The following KCNH5 variants were observed in gnomAD, a reference collection of about 807,000 sequenced individuals.
KCNH5 encodes the protein potassium voltage-gated channel subfamily H member 5.
A neutral mutation model predicts 96.1 loss-of-function variants in KCNH5; 46 were observed. That is an observed-to-expected ratio of 0.48 (90% CI 0.38 to 0.61). The LOEUF (loss-of-function observed/expected upper bound fraction) is 0.61, where lower values mean the gene tolerates loss of function less well. Among genes scored for constraint, KCNH5 ranks in the 20% least tolerant of loss-of-function variants. KCNH5 has a pLI of 0.00. For missense variants in KCNH5, 907 were observed against 1,225.8 expected, an observed-to-expected ratio of 0.74 and a Z score of 3.88; for synonymous variants, 439 against 449.8, an observed-to-expected ratio of 0.98 and a Z score of 0.30.
intron 7 of KCNH5, among the ~76,000 whole-genome samples, chr14:62,887,819 T>C (rs1033487444): frequency 5.3e-5 from 8 of 152,148 alleles, no homozygotes; most frequent in Admixed American, 1.3e-4. Context: ...AAAAAGGTGT[T>C]CTAGTGTTAG....
chr14:62,811,541 T>A (rs1196374711), intron 8 of KCNH5, among the ~76,000 whole-genome samples: 1 of 152,162 alleles, frequency 6.6e-6, no homozygotes, highest in Non-Finnish European at 1.5e-5. Flanking sequence ...CTTTCTACCA[T>A]GAATACAGTA....
Position 62,950,295 on chromosome 14 carries a change from T to C in KCNH5, c.1207A>G (p.Asn403Asp). 1 of 1,614,006 alleles carries C rather than the reference T, an allele frequency of 6.2e-7. No homozygotes were observed. The highest frequency in any genetic ancestry group is 8.5e-7 in the Non-Finnish European group (1 of 1,179,964). Residue 403 changes from asparagine to aspartate, a missense_variant, in exon 7 of 11, where the codon AAT (asparagine) becomes GAT (aspartate). Around this residue, in one of 6 missense-constraint regions of KCNH5, gnomAD observed 370 missense variants for 561.3 expected, o/e 0.66. Transcript: ENST00000322893. The part of the protein sequence containing the change: ...ALSIGTPYRY[N>D]TSAGIWEGGP... ...CCTTCCCATATCCCAGCACTGGTAT[T>C]GTAGCGATATGGAGTCCCAATGCTC...
At chr14:62,935,756 C>T (rs1048104819) in intron 7 of KCNH5, among the ~76,000 whole-genome samples, 2 of 152,174 alleles carry the variant, frequency 1.3e-5, no homozygotes, top group African/African-American at 4.8e-5. Context: ...AGATGAGGAA[C>T]TTACATCCTT....
chr14:62,833,818 A>G (rs1161474726), intron 8 of KCNH5, among the ~76,000 whole-genome samples: 1 of 151,972 alleles, frequency 6.6e-6, no homozygotes. Context: ...TGTCTTTATC[A>G]TATATAAAAT....
At chr14:63,043,163 A>C (rs933145326) in intron 1 of KCNH5, among the ~76,000 whole-genome samples, 1 of 152,178 alleles carries the variant, frequency 6.6e-6, no homozygotes. Flanking sequence ...TATATCTACA[A>C]TTTTTAAAAA....
intron 7 of KCNH5, among the ~76,000 whole-genome samples, chr14:62,910,942 C>CACACACA (rs1555363114): frequency 1.3e-4 from 8 of 63,666 alleles, no homozygotes; most frequent in East Asian, 6.7e-4. Flanking sequence ...CACACACACA[C>CACACACA]CCCTCTGTTG....
At chr14:62,732,607 A>G (rs945074749) in intron 10 of KCNH5, among the ~76,000 whole-genome samples, 7 of 152,264 alleles carry the variant, frequency 4.6e-5, no homozygotes, top group African/African-American at 1.7e-4. Flanking sequence ...TACCCTATCC[A>G]GAGCTACTCC....
intron 7 of KCNH5, among the ~76,000 whole-genome samples, chr14:62,885,758 G>A (rs10134985): frequency 0.5 from 75,584 of 151,938 alleles, 19,232 homozygotes; most frequent in East Asian, 0.72. Context: ...GTGATGAAAG[G>A]ATGGTGATTT....
At chr14:62,780,778 C>T (rs906672010) in intron 9 of KCNH5, among the ~76,000 whole-genome samples, 6 of 152,152 alleles carry the variant, frequency 3.9e-5, no homozygotes, top group South Asian at 2.1e-4. Flanking sequence ...GCCATTCTGC[C>T]GAGGCAGTTC....
chr14:63,040,610 T>TAAC (rs1369058228), intron 1 of KCNH5, among the ~76,000 whole-genome samples: 3 of 152,148 alleles, frequency 2.0e-5, no homozygotes, highest in African/African-American at 7.2e-5. Context: ...AATAACTTTA[T>TAAC]AACAACAACA....
intron 7 of KCNH5, among the ~76,000 whole-genome samples, chr14:62,913,516 G>A (rs1396690618): frequency 6.6e-6 from 1 of 152,144 alleles, no homozygotes; most frequent in Non-Finnish European, 1.5e-5. Flanking sequence ...ATGAGCCACT[G>A]CGCCCGGCCA....
intron 10 of KCNH5, among the ~76,000 whole-genome samples, chr14:62,710,042 T>A (rs1205161152): frequency 6.6e-6 from 1 of 152,198 alleles, no homozygotes; most frequent in Non-Finnish European, 1.5e-5. Flanking sequence ...TGAACTCTCA[T>A]AAAATACTCC....
intron 7 of KCNH5, among the ~76,000 whole-genome samples, chr14:62,906,511 A>T (rs1474819800): frequency 6.6e-6 from 1 of 152,210 alleles, no homozygotes; most frequent in East Asian, 1.9e-4. Flanking sequence ...GGTTTCCATT[A>T]AGAATGAGAA....
At chr14:62,929,227 C>T (rs575133911) in intron 7 of KCNH5, among the ~76,000 whole-genome samples, 4 of 152,164 alleles carry the variant, frequency 2.6e-5, no homozygotes, top group South Asian at 2.1e-4. Flanking sequence ...AGTCTGTCAG[C>T]AAATCTTGTT....
chr14:62,815,923 C>T (rs1595635451), intron 8 of KCNH5, among the ~76,000 whole-genome samples: 1 of 151,824 alleles, frequency 6.6e-6, no homozygotes, highest in Non-Finnish European at 1.5e-5. Flanking sequence ...CAAAATAGGT[C>T]ACAGAGTAGT....
intron 10 of KCNH5, among the ~76,000 whole-genome samples, chr14:62,770,114 G>GA (rs1049737959): frequency 6.6e-6 from 1 of 151,806 alleles, no homozygotes; most frequent in Admixed American, 6.5e-5. Context: ...GTGAAGAAAA[G>GA]AAAAAAAAGT....
chr14:63,038,683 CAA>C lies in KCNH5; in HGVS notation c.73+6429_73+6430del, dbSNP rs2139631803. On this transcript the variant is annotated intron_variant, in intron 1 of 10. Transcript: ENST00000322893. The stretch of plus-strand genomic sequence containing the variant: ...CTAGGTAATAGTATCCACATATAAC[CAA>C]ACACTAAAATGATGTCTAAAATACA... 1.3e-5 allele frequency among the ~76,000 whole-genome samples: 2 copies of C among 151,962 alleles called. 1 individual carries two copies. The highest frequency in any genetic ancestry group is 3.9e-4 in the East Asian group (2 of 5,184).
At chr14:62,770,270 A>G (rs1031914094) in intron 10 of KCNH5, among the ~76,000 whole-genome samples, 7 of 152,220 alleles carry the variant, frequency 4.6e-5, no homozygotes, top group Admixed American at 6.5e-5. Flanking sequence ...TTTCATTTAC[A>G]AAAGATCATT....
chr14:62,779,492 CTGTT>C (rs1886163926), intron 10 of KCNH5, among the ~76,000 whole-genome samples: 1 of 152,114 alleles, frequency 6.6e-6, no homozygotes, highest in Non-Finnish European at 1.5e-5. Context: ...CTCTTCAAGT[CTGTT>C]TTTCATTTTG....
Sources: allele counts gnomAD v4.1 joint callset (sites outside exome capture counted in the v4.1 genomes callset), GRCh38; gene constraint gnomAD v4.1.1; regional missense constraint gnomAD v4.1.1; transcripts MANE v1.5; gene names NCBI Gene and HGNC (gene_info 2026-07-23, HGNC 2026-07-21).